LRP8: variants seen among roughly 807,000 people sequenced by gnomAD.
LRP8 encodes the protein low-density lipoprotein receptor-related protein 8.
In LRP8, 46 loss-of-function variants were observed where a neutral mutation model predicts 111.6. The ratio of observed to expected loss-of-function variants is 0.41; its 90% CI spans 0.33 to 0.53. The LOEUF is 0.53. Among genes scored for constraint, LRP8 ranks in the 20% least tolerant of loss-of-function variants. The pLI is 0.20. For missense variants in LRP8, 959 were observed against 1,297.4 expected (o/e 0.74, Z 4.01); for synonymous variants, 464 against 511.2 (o/e 0.91, Z 1.24).
At position 53,293,770 on chromosome 1, in the gene LRP8, G is replaced by A. The variant is rs1322932868; in HGVS notation, c.245-4081C>T. Among the ~76,000 whole-genome samples, 1 of 152,210 alleles carries A rather than the reference G, an allele frequency of 6.6e-6. No homozygotes were observed. The highest frequency in any genetic ancestry group is 1.5e-5 in the Non-Finnish European group (1 of 68,038). ...CAGGGTGGGGACTAGACTAAAGCAC[G>A]CTGGAGGGCCCCATTGGAAGTGTGA... On this transcript the variant is annotated intron_variant, in intron 2 of 18. Coordinates refer to ENST00000306052, the MANE Select transcript of LRP8 (RefSeq NM_004631.5). This position sits in a 1 kb window ranked among gnomAD's most constrained non-coding sequence, Gnocchi z 4.9.
intron 3 of LRP8, chr1:53,289,254 G>T: frequency 4.5e-6 from 1 of 220,442 alleles, no homozygotes; most frequent in Non-Finnish European, 9.1e-6. Flanking sequence ...ATTATGGTCG[G>T]GGTCCTCAAG....
At chr1:53,264,556 G>A (rs1646478989) in intron 9 of LRP8, among the ~76,000 whole-genome samples, 160 bp from the exon 10 acceptor site, 1 of 152,176 alleles carries the variant, frequency 6.6e-6, no homozygotes, top group Non-Finnish European at 1.5e-5. Context: ...GGGGTACCAG[G>A]GTAGGGGTAC....
intron 2 of LRP8, among the ~76,000 whole-genome samples, chr1:53,311,670 A>G (rs984595085): frequency 6.7e-6 from 1 of 148,936 alleles, no homozygotes; most frequent in Non-Finnish European, 1.5e-5. Context: ...CTTCTCTTCC[A>G]TCTGTCTCCA....
At position 53,277,091 on chromosome 1, in the gene LRP8, G is replaced by A. The variant is rs1197201006; in HGVS notation, c.497-13C>T. ...TGCGGGGCGCACACTGCGCGGGACA[G>A]AGAGCCGGTCGGCCCGCCGACCCCC... On this transcript the variant is annotated splice_polypyrimidine_tract_variant and intron_variant, in intron 4 of 18. Transcript: ENST00000306052. 2 of 1,483,718 alleles carry A rather than the reference G, an allele frequency of 1.3e-6. No homozygotes were observed. Among genetic ancestry groups the A allele is most frequent in the Admixed American group, 4.5e-5 (2 of 44,380 alleles). 91.9% of individuals were successfully genotyped at this position (1,483,718 alleles called of 1,614,324 possible).
chr1:53,253,275 A>G (rs1032023410), intron 16 of LRP8, among the ~76,000 whole-genome samples: 9 of 152,234 alleles, frequency 5.9e-5, no homozygotes, highest in African/African-American at 2.2e-4. Flanking sequence ...TAAAAGTTTC[A>G]TATTTATGCA....
Position 53,245,267 on chromosome 1 carries a change from G to A in LRP8, c.*1751C>T, listed in dbSNP as rs1276970863. 2.0e-5 allele frequency: 3 copies of A among 152,208 alleles called. No homozygotes were observed. The East Asian group carries it at 5.8e-4, about 29-fold the overall frequency. 9.4% of individuals were successfully genotyped at this position (152,208 alleles called of 1,614,324 possible). A position where few individuals can be genotyped will look rare whatever the true frequency, so the allele number is the denominator to read the frequency against. The stretch of plus-strand genomic sequence containing the variant: ...GTGTGTCAAGTTCCAGGTATGATGA[G>A]ATTAGATGCAGCTCCTCTGCTCCTA... On this transcript the variant is annotated 3_prime_UTR_variant, in exon 19 of 19. Coordinates refer to ENST00000306052, the MANE Select transcript of LRP8 (RefSeq NM_004631.5).
At chr1:53,323,778 G>A (rs1480734813) in intron 2 of LRP8, among the ~76,000 whole-genome samples, 1 of 152,220 alleles carries the variant, frequency 6.6e-6, no homozygotes, top group South Asian at 2.1e-4. Context: ...TGTGACTTTG[G>A]GGGAGTCACT....
chr1:53,250,939 C>A lies in LRP8; in HGVS notation c.2504-77G>T. On this transcript the variant is annotated intron_variant, in intron 16 of 18. Transcript: ENST00000306052. This position sits in a 1 kb window ranked among gnomAD's most constrained non-coding sequence, Gnocchi z 4.6. ...TCAGACATCTGTACAAGGCTTGTCA[C>A]CACTCCACTTTTACTACCCTTTGCT... is the stretch of plus-strand genomic sequence containing the variant. The A allele has an allele frequency of 7.9e-7, 1 of 1,269,690 alleles. No individual in the cohort carries two copies. The highest frequency in any genetic ancestry group is 1.1e-6 in the Non-Finnish European group (1 of 880,590). The allele number at this position is 1,269,690 out of a possible 1,614,324, so 78.7% of individuals were successfully genotyped here.
chr1:53,326,475 G>A (rs1351888651), intron 2 of LRP8, among the ~76,000 whole-genome samples: 1 of 152,240 alleles, frequency 6.6e-6, no homozygotes, highest in Non-Finnish European at 1.5e-5. Flanking sequence ...GCCCGGAGCT[G>A]CGTGGAACTT....
intron 16 of LRP8, among the ~76,000 whole-genome samples, chr1:53,251,572 C>G (rs1368237038): frequency 6.7e-6 from 1 of 148,786 alleles, no homozygotes; most frequent in Non-Finnish European, 1.5e-5. Flanking sequence ...CTCTGAGCAT[C>G]CCAGTGGAGG....
At chr1:53,274,694 C>A (rs1260242442) in intron 6 of LRP8, 1 of 456,266 alleles carries the variant, frequency 2.2e-6, no homozygotes, top group Admixed American at 2.3e-5. Context: ...TAGACAGGCA[C>A]CGCACCACAC....
chr1:53,314,716 C>A (rs1173143870), intron 2 of LRP8, among the ~76,000 whole-genome samples: 1 of 152,210 alleles, frequency 6.6e-6, no homozygotes, highest in Non-Finnish European at 1.5e-5. Context: ...CCCTGACCTC[C>A]ACCCCACTAG....
chr1:53,278,327 C>T (rs892585527), intron 4 of LRP8, among the ~76,000 whole-genome samples: 4 of 152,192 alleles, frequency 2.6e-5, no homozygotes, highest in Non-Finnish European at 5.9e-5. Flanking sequence ...GACCTGGCCC[C>T]GGGATGGGGG....
intron 15 of LRP8, 23 bp downstream of exon 15, chr1:53,257,217 G>C (rs754846480): frequency 6.2e-7 from 1 of 1,610,510 alleles, no homozygotes; most frequent in Non-Finnish European, 8.5e-7. Flanking sequence ...TGTCATGAAA[G>C]AATGCAGAAC....
chr1:53,310,205 T>TGGGGCA (rs59357665), intron 2 of LRP8, among the ~76,000 whole-genome samples: 1 of 151,038 alleles, frequency 6.6e-6, no homozygotes, highest in Admixed American at 6.6e-5. Flanking sequence ...AGAGACGGGC[T>TGGGGCA]GGGGCAGGGG....
rs1026217730 is a variant in LRP8 at position 53,275,372 on chromosome 1, G to T, written c.1006+259C>A. Among the ~76,000 whole-genome samples, 1 of 152,198 alleles carries T rather than the reference G, an allele frequency of 6.6e-6. No homozygotes were observed. Among genetic ancestry groups the T allele is most frequent in the Non-Finnish European group, 1.5e-5 (1 of 68,024 alleles). On this transcript the variant is annotated intron_variant, in intron 6 of 18. Coordinates refer to ENST00000306052, the MANE Select transcript of LRP8 (RefSeq NM_004631.5). The surrounding 1 kb of genome is among the most constrained non-coding windows in gnomAD (Gnocchi z 4.4). ...TCACCAGCTGGGACCTGGACAAGTG[G>T]TGGGGGCTGGACTTCCCAAGTGCTC...
At chr1:53,283,375 C>T (rs1488321436) in intron 3 of LRP8, among the ~76,000 whole-genome samples, 4 of 151,932 alleles carry the variant, frequency 2.6e-5, no homozygotes, top group Non-Finnish European at 5.9e-5. Flanking sequence ...GTGCAAATTC[C>T]GGGGGTGCCA....
At chr1:53,271,453 C>G (rs974476172) in intron 6 of LRP8, 107 bp from the exon 7 acceptor site, 4 of 1,299,440 alleles carry the variant, frequency 3.1e-6, no homozygotes, top group Admixed American at 2.0e-5. Context: ...GTGGGACTCC[C>G]ATAGAGGCAG....
Position 53,327,903 on chromosome 1 carries a change from G to C in LRP8, c.10C>G (p.Pro4Ala). Residue 4 changes from proline (P) to alanine (A), a missense_variant, in exon 1 of 19, where the codon CCC becomes GCC. By Grantham distance (27) the Pro-to-Ala change is conservative. This residue lies in a region of LRP8 where 97 missense variants were observed against 107.5 expected (regional missense o/e 0.90). Coordinates refer to ENST00000306052, the MANE Select transcript of LRP8 (RefSeq NM_004631.5). MGL[P>A]EPGPLRLLAL... ...AGAAGCCGGAGAGGGCCCGGCTCGGGGAGGCCCATGGCGGGCCCGGGGCTC... is the reference window on the plus strand; with the variant it reads ...AGAAGCCGGAGAGGGCCCGGCTCGGCGAGGCCCATGGCGGGCCCGGGGCTC... 1.4e-6 allele frequency: 2 copies of C among 1,419,848 alleles called. No homozygotes were observed. The highest frequency in any genetic ancestry group is 1.8e-6 in the Non-Finnish European group (2 of 1,084,786). 88.0% of individuals were successfully genotyped at this position (1,419,848 alleles called of 1,614,324 possible).
Sources: allele counts gnomAD v4.1 joint callset (sites outside exome capture counted in the v4.1 genomes callset), GRCh38; gene constraint gnomAD v4.1.1; regional missense constraint gnomAD v4.1.1; non-coding constraint Gnocchi (gnomAD v3.1); transcripts MANE v1.5; gene names NCBI Gene and HGNC (gene_info 2026-07-23, HGNC 2026-07-21).